Variants in ASXL1 observed in about 807,000 individuals in gnomAD.
ASXL1 encodes ASXL transcriptional regulator 1.
ASXL1 carries 65 observed loss-of-function variants against 89.1 expected under a neutral mutation model. That is an observed-to-expected ratio of 0.73 (90% CI 0.60 to 0.90). The LOEUF (loss-of-function observed/expected upper bound fraction) is 0.90, where lower values mean the gene tolerates loss of function less well. Among genes scored for constraint, ASXL1 ranks in the 40% least tolerant of loss-of-function variants. The pLI is 0.00. For missense variants in ASXL1, 1,786 were observed against 1,942.9 expected (o/e 0.92, Z 1.52); for synonymous variants, 739 against 746.9 (o/e 0.99, Z 0.17).
At chr20:32,391,109 C>G (rs1015439085) in intron 4 of ASXL1, among the ~76,000 whole-genome samples, 5 of 151,642 alleles carry the variant, frequency 3.3e-5, no homozygotes, top group African/African-American at 1.2e-4. Flanking sequence ...AGGCTGATTT[C>G]AAACTCCTGG....
In ASXL1 at chr20:32,431,471, A is replaced by T. The variant is rs948107833; in HGVS notation, c.869A>T (p.Glu290Val). The change falls in exon 9 of 13, where the codon GAA becomes GTA. Residue 290 changes from glutamate to valine, a missense_variant. Glu to Val is a moderately radical substitution (Grantham distance 121). This residue lies in a region of ASXL1 where 332 missense variants were observed against 449.7 expected (regional missense o/e 0.74). Transcript: ENST00000375687. ...FQQQLLFLLP[E>V]VDRQVGTDGL... ...CAGCAGCTCCTCTTCCTCCTGCCTG[A>T]AGTAGACAGACAGGTGCACATGGGC... The T allele has an allele frequency of 6.2e-7, 1 of 1,614,076 alleles. No individual in the cohort carries two copies. The highest frequency in any genetic ancestry group is 1.1e-5 in the South Asian group (1 of 91,058).
Position 32,428,175 on chromosome 20 carries a change from G to C in ASXL1, c.300G>C (p.Glu100Asp). The part of the protein sequence containing the change: ...WSRHPATVEG[E>D]EPEDTADVES... ...GCCATCCAGCTACAGTGGAGGGAGA[G>C]GAGCCAGAGGACACGGCTGATGTGG... is the stretch of plus-strand genomic sequence containing the variant. The change falls in exon 5 of 13, where the codon GAG (glutamate) becomes GAC (aspartate). Residue 100 changes from glutamate to aspartate, a missense_variant. Physicochemically the swap from Glu to Asp is conservative, Grantham distance 45. This residue lies in a region of ASXL1 where 332 missense variants were observed against 449.7 expected (regional missense o/e 0.74). Coordinates refer to ENST00000375687, the MANE Select transcript of ASXL1 (RefSeq NM_015338.6). 6.2e-7 allele frequency: 1 copy of C among 1,614,078 alleles called. No individual in the cohort carries two copies. The highest frequency in any genetic ancestry group is 8.5e-7 in the Non-Finnish European group (1 of 1,180,024).
chr20:32,359,079 G>C, intron 1 of ASXL1: 1 of 596,542 alleles, frequency 1.7e-6, no homozygotes, highest in African/African-American at 1.9e-5. Flanking sequence ...TCCGGCGGAG[G>C]GGCGAGCTGG....
Position 32,429,581 on chromosome 20 carries a change from G to A in ASXL1, c.565+150G>A. Reference sequence around the variant, plus strand: ...CTGCCAATGGATGAGGCCTGCCATAGGTTCTAGTGCTGGGCTCTGCTGTGT... The same window carrying A: ...CTGCCAATGGATGAGGCCTGCCATAAGTTCTAGTGCTGGGCTCTGCTGTGT... On this transcript the variant is annotated intron_variant, in intron 7 of 12. Coordinates refer to ENST00000375687, the MANE Select transcript of ASXL1 (RefSeq NM_015338.6). This position sits in a 1 kb window ranked among gnomAD's most constrained non-coding sequence, Gnocchi z 4.9. The A allele has an allele frequency of 1.2e-6, 1 of 867,504 alleles. No homozygotes were observed. Among genetic ancestry groups the A allele is most frequent in the East Asian group, 2.6e-5 (1 of 38,070 alleles). 53.7% of individuals were successfully genotyped at this position (867,504 alleles called of 1,614,324 possible).
rs373599045 is a variant in ASXL1, at chr20:32,431,590, C to T, written c.890C>T (p.Thr297Met). 24 of 1,613,976 alleles carry T rather than the reference C, an allele frequency of 1.5e-5. No individual in the cohort carries two copies. Among genetic ancestry groups the T allele is most frequent in the African/African-American group, 6.7e-5 (5 of 74,902 alleles). ...LLPEVDRQVG[T>M]DGLLRLSSSA... ...CCCCCTTGATCCTTCTAGGTGGGGA[C>T]GGATGGCCTGTTGCGTCTCAGCAGC... The change falls in exon 10 of 13, where the codon ACG (threonine) becomes ATG (methionine). Residue 297 changes from threonine to methionine, a missense_variant. This residue lies in a region of ASXL1 where 332 missense variants were observed against 449.7 expected (regional missense o/e 0.74). Coordinates refer to ENST00000375687, the MANE Select transcript of ASXL1 (RefSeq NM_015338.6).
chr20:32,374,980 AAATT>A (rs2048353207), intron 4 of ASXL1, among the ~76,000 whole-genome samples: 1 of 152,326 alleles, frequency 6.6e-6, no homozygotes, highest in Non-Finnish European at 1.5e-5. Context: ...TTTATAAAGA[AAATT>A]AATTTATTTC....
intron 1 of ASXL1, 72 bp downstream of exon 1, chr20:32,358,904 G>A (rs557072958): frequency 7.2e-6 from 10 of 1,389,638 alleles, no homozygotes; most frequent in Admixed American, 6.3e-5. Context: ...CCCCCCACTG[G>A]GGGGGGAGGG....
chr20:32,369,965 C>T lies in ASXL1; in HGVS notation c.252+842C>T, dbSNP rs143679375. On this transcript the variant is annotated intron_variant, in intron 4 of 12. Coordinates refer to ENST00000375687, the MANE Select transcript of ASXL1 (RefSeq NM_015338.6). ...TGAACTCCTGACCTTGTGATCCGTC[C>T]GCCTTAGCCTCCCAAAGTGCTGGGA... Among the ~76,000 whole-genome samples the T allele has an allele frequency of 7.2e-4, 109 of 150,924 alleles. 1 individual carries two copies. The highest frequency in any genetic ancestry group is 2.5e-3 in the African/African-American group (102 of 41,086).
intron 3 of ASXL1, 86 bp downstream of exon 3, chr20:32,367,815 T>C: frequency 1.3e-6 from 1 of 775,622 alleles, no homozygotes; most frequent in Non-Finnish European, 2.4e-6. Flanking sequence ...GAAGCAGTCA[T>C]GATGGCTCAT....
In ASXL1 at chr20:32,429,343, C is replaced by A. The variant is rs1019881696; in HGVS notation, c.477C>A (p.Asn159Lys). 4 of 1,613,964 alleles carry A rather than the reference C, an allele frequency of 2.5e-6. No individual in the cohort carries two copies. Among genetic ancestry groups the A allele is most frequent in the African/African-American group, 2.7e-5 (2 of 74,912 alleles). ...TGTTCTCTCTTGGAACGCAGGCGAA[C>A]AAACAAAAGAAAAAGACTGGGGTGA... ...RDSYRASSQA[N>K]KQKKKTGVML... is the part of the protein sequence containing the mutation. Residue 159 changes from asparagine to lysine, a missense_variant, in exon 7 of 13, where the codon AAC (asparagine) becomes AAA (lysine). Asn to Lys is a moderately conservative substitution (Grantham distance 94). Transcript: ENST00000375687. This position sits in a 1 kb window ranked among gnomAD's most constrained non-coding sequence, Gnocchi z 4.9.
chr20:32,376,567 C>T (rs1362502872), intron 4 of ASXL1, among the ~76,000 whole-genome samples: 1 of 151,880 alleles, frequency 6.6e-6, no homozygotes, highest in African/African-American at 2.4e-5. Context: ...TGAGCCACCA[C>T]ACCCAGCTGA....
At chr20:32,431,295 T>A (rs1349868888) in intron 8 of ASXL1, 26 bp from the exon 9 acceptor site, 1 of 1,614,170 alleles carries the variant, frequency 6.2e-7, no homozygotes, top group Non-Finnish European at 8.5e-7. Context: ...AAAGCTGAAA[T>A]CTATACCTTG....
chr20:32,388,035 A>G (rs1407922591), intron 4 of ASXL1, among the ~76,000 whole-genome samples: 2 of 152,172 alleles, frequency 1.3e-5, no homozygotes, highest in Non-Finnish European at 2.9e-5. Flanking sequence ...TATCTTCAGA[A>G]TATATCTCAT....
At chr20:32,368,173 C>T (rs780805264) in intron 3 of ASXL1, among the ~76,000 whole-genome samples, 19 of 152,066 alleles carry the variant, frequency 1.2e-4, no homozygotes, top group Non-Finnish European at 2.2e-4. Context: ...AGAGAGGGTG[C>T]ACAGGTGACT....
chr20:32,400,809 G>C (rs1441125459), intron 4 of ASXL1, among the ~76,000 whole-genome samples: 1 of 152,188 alleles, frequency 6.6e-6, no homozygotes, highest in African/African-American at 2.4e-5. Context: ...ACTCTCTTCA[G>C]GCACTAAGTT....
At chr20:32,394,458 T>G (rs544772175) in intron 4 of ASXL1, among the ~76,000 whole-genome samples, 1 of 152,026 alleles carries the variant, frequency 6.6e-6, no homozygotes, top group Non-Finnish European at 1.5e-5. Flanking sequence ...GATTTTTTAG[T>G]GGTTCATTTT....
intron 4 of ASXL1, among the ~76,000 whole-genome samples, chr20:32,418,143 ACTCCAG>A (rs2049169763): frequency 6.6e-6 from 1 of 152,000 alleles, no homozygotes; most frequent in South Asian, 2.1e-4. Flanking sequence ...GAGCCACTGT[ACTCCAG>A]CCCAGATGAC....
chr20:32,369,248 G>A, intron 4 of ASXL1, 125 bp downstream of exon 4: 1 of 917,430 alleles, frequency 1.1e-6, no homozygotes, highest in Non-Finnish European at 1.8e-6. Context: ...AGGTGACACT[G>A]ATGTTTTTCT....
chr20:32,399,847 C>T (rs937567504), intron 4 of ASXL1, among the ~76,000 whole-genome samples: 6 of 147,970 alleles, frequency 4.1e-5, no homozygotes, highest in Non-Finnish European at 5.9e-5. Context: ...CTACAACCTC[C>T]GCCTCCTGGT....
Sources: allele counts gnomAD v4.1 joint callset (sites outside exome capture counted in the v4.1 genomes callset), GRCh38; gene constraint gnomAD v4.1.1; regional missense constraint gnomAD v4.1.1; non-coding constraint Gnocchi (gnomAD v3.1); transcripts MANE v1.5; gene names NCBI Gene and HGNC (gene_info 2026-07-23, HGNC 2026-07-21).